The following MYH15 variants were observed in gnomAD, a reference collection of about 807,000 sequenced individuals.
MYH15 encodes the protein myosin heavy chain 15, also known as myosin-15.
MYH15 carries 227 observed loss-of-function variants against 240.5 expected under a neutral mutation model. That is an observed-to-expected ratio of 0.94 (90% CI 0.85 to 1.05). MYH15 has a LOEUF of 1.05. Ranked by LOEUF, MYH15 falls within the 50% of genes least tolerant of loss-of-function variation. The probability of loss-of-function intolerance (pLI) is 0.00; values close to 1 mark genes in which losing one functional copy is unlikely to be tolerated. For missense variants in MYH15, 2,217 were observed against 2,247.5 expected, an observed-to-expected ratio of 0.99 and a Z score of 0.27; for synonymous variants, 785 against 796.7, an observed-to-expected ratio of 0.99 and a Z score of 0.25.
At chr3:108,536,622 G>T in the MYH15 span, among the ~76,000 whole-genome samples, 2 of 152,176 alleles carry the variant, frequency 1.3e-5, no homozygotes, top group Non-Finnish European at 2.9e-5. Flanking sequence ...CTACCAAGGG[G>T]GAATGGCCCA....
At chr3:108,499,351 A>T in intron 5 of MYH15, 104 bp downstream of exon 5, 2 of 1,180,550 alleles carry the variant, frequency 1.7e-6, no homozygotes, top group Non-Finnish European at 2.5e-6. Context: ...AAGGGCAATT[A>T]ATTCAAAGAT....
chr3:108,400,330 T>G (rs1221668288), intron 33 of MYH15, among the ~76,000 whole-genome samples: 1 of 152,242 alleles, frequency 6.6e-6, no homozygotes, highest in African/African-American at 2.4e-5. Context: ...ACAGTTTAAC[T>G]GCTGTAATTG....
intron 25 of MYH15, among the ~76,000 whole-genome samples, chr3:108,436,753 G>A (rs969596736): frequency 6.6e-6 from 1 of 152,092 alleles, no homozygotes; most frequent in African/African-American, 2.4e-5. Flanking sequence ...TGCCCAGGAT[G>A]GTCTCAATCT....
the MYH15 span, among the ~76,000 whole-genome samples, chr3:108,536,591 T>C: frequency 1.3e-5 from 2 of 152,098 alleles, no homozygotes; most frequent in Non-Finnish European, 1.5e-5. Flanking sequence ...GAATTACAAA[T>C]AGGGGATGCC....
chr3:108,405,452 C>T lies in MYH15; in HGVS notation c.4622G>A (p.Gly1541Glu). The change falls in exon 33 of 41, where the codon GGA becomes GAA. Residue 1541 changes from glycine to glutamate, a missense_variant and splice_region_variant. Gly to Glu is a moderately conservative substitution (Grantham distance 98). Transcript: ENST00000693548. ...EVQVTLEETE[G>E]ALERNESKIL... ...CTTGCTTTCATTACGTTCCAGGGCT[C>T]CCTGGAATACATAAATAAAAAGCAT... is the stretch of plus-strand genomic sequence containing the variant. 1 of 1,477,470 alleles carries T rather than the reference C, an allele frequency of 6.8e-7. No homozygotes were observed. 91.5% of individuals were successfully genotyped at this position (1,477,470 alleles called of 1,614,324 possible). A position where few individuals can be genotyped will look rare whatever the true frequency, so the allele number is the denominator to read the frequency against.
intron 25 of MYH15, among the ~76,000 whole-genome samples, chr3:108,433,123 C>A (rs1315716865): frequency 6.6e-6 from 1 of 152,228 alleles, no homozygotes; most frequent in Non-Finnish European, 1.5e-5. Context: ...AGGGGAGGAT[C>A]TGCCCAAGAC....
At chr3:108,456,297 C>T (rs1411446879) in intron 19 of MYH15, among the ~76,000 whole-genome samples, 1 of 152,146 alleles carries the variant, frequency 6.6e-6, no homozygotes, top group African/African-American at 2.4e-5. Flanking sequence ...TTTTACTCTA[C>T]CAAACTTTGC....
chr3:108,409,363 G>A (rs147990047), intron 31 of MYH15, among the ~76,000 whole-genome samples: 2 of 152,080 alleles, frequency 1.3e-5, no homozygotes, highest in Admixed American at 6.6e-5. Context: ...TTCAAACCCC[G>A]CCCCAGTCCA....
chr3:108,550,704 TCTTTTTACTTTA>T, the MYH15 span: 4 of 151,940 alleles, frequency 2.6e-5, no homozygotes, highest in African/African-American at 9.7e-5. Context: ...ATACCTTCTC[TCTTTTTACTTTA>T]CTTTTTACTT....
intron 33 of MYH15, among the ~76,000 whole-genome samples, chr3:108,403,385 G>A (rs913538232): frequency 6.6e-6 from 1 of 152,138 alleles, no homozygotes; most frequent in Admixed American, 6.5e-5. Context: ...TGGAGTTAAT[G>A]ATGGGTTATA....
At chr3:108,545,080 G>C in the MYH15 span, among the ~76,000 whole-genome samples, 1 of 152,038 alleles carries the variant, frequency 6.6e-6, no homozygotes, top group Admixed American at 6.5e-5. Flanking sequence ...TCATTAATTA[G>C]AAACTACTAT....
chr3:108,516,483 A>G (rs1404249103), intron 1 of MYH15, among the ~76,000 whole-genome samples: 4 of 152,214 alleles, frequency 2.6e-5, no homozygotes, highest in Non-Finnish European at 2.9e-5. Context: ...TAAATGAAAC[A>G]CATTTGAGTT....
chr3:108,414,394 G>A lies in MYH15; in HGVS notation c.3983C>T (p.Ala1328Val). 1 of 1,614,128 alleles carries A rather than the reference G, an allele frequency of 6.2e-7. No individual in the cohort carries two copies. The highest frequency in any genetic ancestry group is 8.5e-7 in the Non-Finnish European group (1 of 1,180,028). Residue 1328 changes from alanine to valine, a missense_variant, in exon 30 of 41, where the codon GCT becomes GTT. Transcript: ENST00000693548. ...TCGTAGAAGGTCACAGTCACGCTGA[G>A]CCTTCTGCAGGGCATGGGCCAGGGC... The part of the protein sequence containing the change: ...QSALAHALQK[A>V]QRDCDLLREQ...
At chr3:108,506,615 T>C (rs1171989221) in intron 1 of MYH15, among the ~76,000 whole-genome samples, 1 of 152,116 alleles carries the variant, frequency 6.6e-6, no homozygotes, top group Non-Finnish European at 1.5e-5. Context: ...CTGGGTGCAG[T>C]GGCTCATGTT....
chr3:108,520,721 G>A (rs2083611451), intron 1 of MYH15, among the ~76,000 whole-genome samples: 1 of 152,134 alleles, frequency 6.6e-6, no homozygotes, highest in African/African-American at 2.4e-5. Context: ...CAATTTTGGA[G>A]TCTTGGGCTC....
chr3:108,548,118 A>G, the MYH15 span, among the ~76,000 whole-genome samples: 7 of 152,172 alleles, frequency 4.6e-5, no homozygotes, highest in African/African-American at 1.4e-4. Context: ...ATGGACCTAT[A>G]TAGTTGCAAG....
At chr3:108,471,248 CG>C (rs753786782) in intron 12 of MYH15, among the ~76,000 whole-genome samples, 120 of 152,122 alleles carry the variant, frequency 7.9e-4, no homozygotes, top group Non-Finnish European at 1.3e-3. Context: ...CTAACTATCC[CG>C]GGGTATGGTG....
chr3:108,453,309 G>A (rs1481394115), intron 21 of MYH15, among the ~76,000 whole-genome samples: 1 of 151,838 alleles, frequency 6.6e-6, no homozygotes, highest in African/African-American at 2.4e-5. Context: ...TTTTTCTCTT[G>A]GGAAAAAACA....
Position 108,455,638 on chromosome 3 carries a change from T to G in MYH15, c.2262+98A>C. Reference sequence around the variant, plus strand: ...TTGTGATATTTATGGTCATGAGAGCTGAAGAATGCCTTATAATTGAGCATT... The same window carrying G: ...TTGTGATATTTATGGTCATGAGAGCGGAAGAATGCCTTATAATTGAGCATT... On this transcript the variant is annotated intron_variant, in intron 20 of 40. Transcript: ENST00000693548. 2.9e-6 allele frequency: 4 copies of G among 1,358,394 alleles called. No homozygotes were observed. The East Asian group carries it at 9.2e-5, about 31-fold the overall frequency. The allele number at this position is 1,358,394 out of a possible 1,614,324, so 84.1% of individuals were successfully genotyped here. A position where few individuals can be genotyped will look rare whatever the true frequency, so the allele number is the denominator to read the frequency against.
Sources: gnomAD v4.1 joint callset for allele counts (sites outside exome capture counted in the v4.1 genomes callset) on GRCh38, gnomAD v4.1.1 for gene constraint, MANE v1.5 for transcripts, NCBI Gene and HGNC (gene_info 2026-07-23, HGNC 2026-07-21) for gene names.